ZNF91: variants seen among roughly 807,000 people sequenced by gnomAD.
ZNF91 encodes zinc finger protein 91.
Under a neutral mutation model 12.6 loss-of-function variants are expected in ZNF91, and 7 were observed. The observed-to-expected ratio is 0.55, with a 90% CI of 0.31 to 1.04. ZNF91 has a LOEUF of 1.04. Among genes scored for constraint, ZNF91 ranks in the 50% least tolerant of loss-of-function variants. ZNF91 has a pLI of 0.05. For synonymous variants in ZNF91, 453 were observed against 462.6 expected (o/e 0.98, Z 0.27); for missense variants, 1,217 against 1,385.4 (o/e 0.88, Z 1.93).
chr19:23,311,208 G>A (rs1967465144), upstream of ZNF91, among the ~76,000 whole-genome samples: 1 of 152,130 alleles, frequency 6.6e-6, no homozygotes, highest in African/African-American at 2.4e-5. Context: ...GCATTTAGGT[G>A]ATGTGACTTT....
chr19:23,306,612 G>T (rs1450726030), intron 3 of ZNF91, among the ~76,000 whole-genome samples: 1 of 152,102 alleles, frequency 6.6e-6, no homozygotes, highest in Non-Finnish European at 1.5e-5. Flanking sequence ...ATGTTGCTTG[G>T]TCTAACACCC....
chr19:23,348,802 C>T (rs1968295811), intron 3 of ZNF91, among the ~76,000 whole-genome samples: 1 of 152,122 alleles, frequency 6.6e-6, no homozygotes, highest in Admixed American at 6.6e-5. Context: ...CACAGACAGC[C>T]TATGGATGGA....
At chr19:23,346,187 GA>G (rs1400906191) in intron 3 of ZNF91, among the ~76,000 whole-genome samples, 43 of 152,090 alleles carry the variant, frequency 2.8e-4, no homozygotes, top group African/African-American at 9.9e-4. Context: ...TCTTATATTA[GA>G]GTTTCAGTAC....
chr19:23,325,296 TTC>T (rs1427281979), intron 1 of ZNF91: 1 of 152,096 alleles, frequency 6.6e-6, no homozygotes, highest in Non-Finnish European at 1.5e-5. Flanking sequence ...TGTTTTACAA[TTC>T]TTAAATCAGT....
chr19:23,395,430 C>G lies in ZNF91; in HGVS notation c.-76G>C, dbSNP rs1222621383. The G allele has an allele frequency of 6.4e-7, 1 of 1,568,066 alleles. No homozygotes were observed. The highest frequency in any genetic ancestry group is 1.1e-5 in the South Asian group (1 of 88,498). On this transcript the variant is annotated 5_prime_UTR_variant, in exon 1 of 4. Coordinates refer to ENST00000300619, the MANE Select transcript of ZNF91 (RefSeq NM_003430.4). ...GCCTCCTGGAGCAGAGGACACAGAG[C>G]AGTGAAGTCGAGACCTGGAAACTCC...
chr19:23,324,084 CCTCCTT>C (rs1967787663), intron 1 of ZNF91: 1 of 150,772 alleles, frequency 6.6e-6, no homozygotes, highest in African/African-American at 2.5e-5. Context: ...TTCTCCTCCT[CCTCCTT>C]CTCTTCCTTT....
At chr19:23,338,491 C>T (rs1968057643), downstream of ZNF91, 1 of 151,964 alleles carries the variant, frequency 6.6e-6, no homozygotes, top group Non-Finnish European at 1.5e-5. Context: ...TACCACTAGA[C>T]TGGGCCTATG....
intron 3 of ZNF91, chr19:23,306,962 T>A (rs956344477): frequency 6.6e-6 from 1 of 152,190 alleles, no homozygotes; most frequent in Non-Finnish European, 1.5e-5. Flanking sequence ...AGCCAATTTT[T>A]GTATTTTTAG....
At chr19:23,378,797 A>C (rs897734941) in intron 1 of ZNF91, among the ~76,000 whole-genome samples, 3 of 152,166 alleles carry the variant, frequency 2.0e-5, no homozygotes, top group Non-Finnish European at 4.4e-5. Context: ...TCCAGTTGCT[A>C]GTCTAGACTA....
intron 1 of ZNF91, among the ~76,000 whole-genome samples, chr19:23,318,103 A>C (rs1967607516): frequency 1.3e-5 from 2 of 152,034 alleles, no homozygotes; most frequent in Admixed American, 1.3e-4. Flanking sequence ...GTGACATATC[A>C]CTGTCACTAG....
intron 3 of ZNF91, among the ~76,000 whole-genome samples, chr19:23,363,112 C>A (rs149884891): frequency 6.6e-6 from 1 of 152,098 alleles, no homozygotes; most frequent in African/African-American, 2.4e-5. Flanking sequence ...ATGCAAAAAA[C>A]CACACAGAAA....
chr19:23,347,538 G>A (rs1460941992), intron 3 of ZNF91, among the ~76,000 whole-genome samples: 1 of 152,082 alleles, frequency 6.6e-6, no homozygotes, highest in East Asian at 1.9e-4. Flanking sequence ...AGAAAAGGAG[G>A]ACTACCAAGC....
chr19:23,346,815 A>G (rs1568375746), intron 3 of ZNF91, among the ~76,000 whole-genome samples: 2 of 152,208 alleles, frequency 1.3e-5, no homozygotes, highest in East Asian at 3.9e-4. Context: ...AGTTTATTCA[A>G]TCCATAACGT....
At chr19:23,342,215 CT>C in intron 3 of ZNF91, 1 of 555,846 alleles carries the variant, frequency 1.8e-6, no homozygotes, top group Non-Finnish European at 3.3e-6. Context: ...TTCCAGGGCT[CT>C]TTTATTTGCT....
chr19:23,334,945 A>C (rs1967979622), downstream of ZNF91, among the ~76,000 whole-genome samples: 1 of 152,234 alleles, frequency 6.6e-6, no homozygotes, highest in South Asian at 2.1e-4. Flanking sequence ...CCAGTTTTTC[A>C]CATACCAAAA....
chr19:23,379,888 C>T (rs1228384339), intron 1 of ZNF91, among the ~76,000 whole-genome samples: 1 of 152,278 alleles, frequency 6.6e-6, no homozygotes, highest in Non-Finnish European at 1.5e-5. Context: ...CAGCCCACAG[C>T]ACACGGCTCA....
chr19:23,340,411 C>T (rs1968096475), intron 3 of ZNF91, among the ~76,000 whole-genome samples: 2 of 152,086 alleles, frequency 1.3e-5, no homozygotes, highest in Non-Finnish European at 2.9e-5. Context: ...ACTAGACACT[C>T]ACAAACCTGA....
At chr19:23,307,044 A>C (rs1967408171) in intron 3 of ZNF91, 1 of 151,994 alleles carries the variant, frequency 6.6e-6, no homozygotes, top group Admixed American at 6.6e-5. Context: ...GCCCACCTTG[A>C]CCTCCCAAAG....
At chr19:23,372,204 G>A (rs765412481) in intron 3 of ZNF91, among the ~76,000 whole-genome samples, 4 of 151,764 alleles carry the variant, frequency 2.6e-5, no homozygotes, top group African/African-American at 7.3e-5. Context: ...AATTTATATG[G>A]AGAGTGACAT....
Sources: gnomAD v4.1 joint callset for allele counts (sites outside exome capture counted in the v4.1 genomes callset) on GRCh38, gnomAD v4.1.1 for gene constraint, MANE v1.5 for transcripts, NCBI Gene and HGNC (gene_info 2026-07-23, HGNC 2026-07-21) for gene names.